The following RIMBP2 variants were observed in gnomAD, a reference collection of about 807,000 sequenced individuals.
The protein encoded by RIMBP2 is RIMS binding protein 2, also known as RIMS-binding protein 2.
In RIMBP2, 48 loss-of-function variants were observed where a neutral mutation model predicts 118.6. That is an observed-to-expected ratio of 0.40 (90% CI 0.32 to 0.51). RIMBP2 has a LOEUF of 0.51. RIMBP2 is among the 20% of genes least tolerant of loss of function. The probability of loss-of-function intolerance (pLI) is 0.41; values close to 1 mark genes in which losing one functional copy is unlikely to be tolerated. For missense variants in RIMBP2, 1,551 were observed against 1,768.3 expected (o/e 0.88, Z 2.20); for synonymous variants, 762 against 742.9 (o/e 1.03, Z -0.42).
chr12:130,399,102 G>A, intron 22 of RIMBP2: 1 of 1,365,080 alleles, frequency 7.3e-7, no homozygotes, highest in Non-Finnish European at 9.6e-7. Flanking sequence ...GGTATCTTCA[G>A]TTGCTCACTT....
intron 12 of RIMBP2, 30 bp downstream of exon 12, chr12:130,438,335 A>ACCGGGGGGGCGCCCCCCCCCCC: frequency 1.2e-6 from 1 of 865,014 alleles, no homozygotes; most frequent in Non-Finnish European, 1.9e-6. Flanking sequence ...GGCCTAACAA[A>ACCGGGGGGGCGCCCCCCCCCCC]CCCTCCCCAC....
Position 130,703,600 on chromosome 12 carries a change from G to A in RIMBP2, c.-352+12622C>T, listed in dbSNP as rs142255641. Reference sequence around the variant, plus strand: ...TCCATCAGATCCCGTAATCGGATCCGGGCGCTTTAGCCCTCACGTGACTAG... The same window carrying A: ...TCCATCAGATCCCGTAATCGGATCCAGGCGCTTTAGCCCTCACGTGACTAG... On this transcript the variant is annotated intron_variant, in intron 1 of 22. Coordinates refer to ENST00000690449, the MANE Select transcript of RIMBP2 (RefSeq NM_001393629.1). The surrounding 1 kb of genome is among the most constrained non-coding windows in gnomAD (Gnocchi z 5.7). 3.2e-4 allele frequency among the ~76,000 whole-genome samples: 49 copies of A among 152,252 alleles called. No individual in the cohort carries two copies. The highest frequency in any genetic ancestry group is 1.0e-3 in the African/African-American group (42 of 41,546).
In RIMBP2 at chr12:130,622,015, T is replaced by C. The variant is rs148983100; in HGVS notation, c.-217+6307A>G. On this transcript the variant is annotated intron_variant, in intron 2 of 22. Coordinates refer to ENST00000690449, the MANE Select transcript of RIMBP2 (RefSeq NM_001393629.1). The surrounding 1 kb of genome is among the most constrained non-coding windows in gnomAD (Gnocchi z 8.5). ...TTTAAAAAATAATAACAGAACAAAA[T>C]GAAACCAACAAAATGGAATTTAAAA... Among the ~76,000 whole-genome samples, 275 of 152,268 alleles carry C rather than the reference T, an allele frequency of 1.8e-3. No homozygotes were observed. Among genetic ancestry groups the C allele is most frequent in the African/African-American group, 6.3e-3 (261 of 41,542 alleles).
At chr12:130,544,551 C>T (rs546258230) in intron 2 of RIMBP2, among the ~76,000 whole-genome samples, 1 of 149,810 alleles carries the variant, frequency 6.7e-6, no homozygotes, top group African/African-American at 2.5e-5. Context: ...TAGCAGGCAG[C>T]AGAGTGTTAT....
chr12:130,661,560 CTAGTG>C (rs1474771793), intron 1 of RIMBP2, among the ~76,000 whole-genome samples: 3 of 152,198 alleles, frequency 2.0e-5, no homozygotes, highest in African/African-American at 7.2e-5. Context: ...TGACAACTGT[CTAGTG>C]AGGTGAGCAA....
intron 1 of RIMBP2, among the ~76,000 whole-genome samples, chr12:130,655,006 A>G (rs1415335846): frequency 6.6e-6 from 1 of 151,954 alleles, no homozygotes; most frequent in East Asian, 1.9e-4. Context: ...TGACCCAAAC[A>G]CCTCCCACCA....
intron 1 of RIMBP2, among the ~76,000 whole-genome samples, chr12:130,676,917 A>G (rs1187422381): frequency 1.3e-5 from 2 of 152,134 alleles, no homozygotes; most frequent in Admixed American, 1.3e-4. Context: ...GGTGACGGGA[A>G]AAAGCCTGTG....
chr12:130,685,693 G>A (rs537019033), intron 1 of RIMBP2, among the ~76,000 whole-genome samples: 2 of 152,086 alleles, frequency 1.3e-5, no homozygotes, highest in Non-Finnish European at 2.9e-5. Flanking sequence ...AAGAGATCCC[G>A]CGACTCTTTA....
At chr12:130,571,150 T>C (rs1375354968) in intron 2 of RIMBP2, among the ~76,000 whole-genome samples, 2 of 141,246 alleles carry the variant, frequency 1.4e-5, no homozygotes, top group Admixed American at 1.5e-4. Flanking sequence ...GAAAGAGAGA[T>C]ATAGGCTTTA....
intron 11 of RIMBP2, 22 bp from the exon 12 acceptor site, chr12:130,438,538 C>A (rs762761547): frequency 6.4e-7 from 1 of 1,560,584 alleles, no homozygotes; most frequent in East Asian, 2.3e-5. Context: ...CAGAAGGGAA[C>A]GGAGGCGTTC....
chr12:130,480,903 C>A (rs4759471), intron 4 of RIMBP2, among the ~76,000 whole-genome samples: 1 of 152,102 alleles, frequency 6.6e-6, no homozygotes, highest in Non-Finnish European at 1.5e-5. Context: ...GCCCGACCAC[C>A]TTTTACTCAT....
chr12:130,442,649 C>T lies in RIMBP2; in HGVS notation c.703G>A (p.Asp235Asn), dbSNP rs765572046. The T allele has an allele frequency of 1.1e-5, 18 of 1,613,570 alleles. No homozygotes were observed. The highest frequency in any genetic ancestry group is 4.0e-5 in the African/African-American group (3 of 74,944). The change falls in exon 11 of 23, where the codon GAT becomes AAT. Residue 235 changes from aspartate to asparagine, a missense_variant. By Grantham distance (23) the Asp-to-Asn change is conservative (BLOSUM62 1). Coordinates refer to ENST00000690449, the MANE Select transcript of RIMBP2 (RefSeq NM_001393629.1). The surrounding 1 kb of genome is among the most constrained non-coding windows in gnomAD (Gnocchi z 6.9). ...EDGFYEGELL[D>N]GQRGLVPSNF... ...GAGGGCACCAGACCCCTCTGGCCAT[C>T]GAGGAGCTCTCCTGTTGGGTACAAG...
At chr12:130,416,032 G>A (rs1200985336) in intron 17 of RIMBP2, among the ~76,000 whole-genome samples, 1 of 152,018 alleles carries the variant, frequency 6.6e-6, no homozygotes, top group Non-Finnish European at 1.5e-5. Context: ...TAACCAAGGA[G>A]GTGAAAGATC....
chr12:130,532,954 C>T (rs565196837), intron 2 of RIMBP2, among the ~76,000 whole-genome samples: 2 of 149,324 alleles, frequency 1.3e-5, no homozygotes, highest in Non-Finnish European at 3.0e-5. Context: ...TAATGAGATG[C>T]GTGTGTGTAG....
chr12:130,402,423 C>T (rs1475518311), intron 21 of RIMBP2, among the ~76,000 whole-genome samples: 4 of 152,110 alleles, frequency 2.6e-5, no homozygotes, highest in African/African-American at 9.7e-5. Context: ...TCTGCCTTCC[C>T]CTGGTACTGA....
intron 1 of RIMBP2, among the ~76,000 whole-genome samples, chr12:130,699,437 A>T (rs2065734105): frequency 6.6e-6 from 1 of 151,972 alleles, no homozygotes; most frequent in African/African-American, 2.4e-5. Context: ...AGGGACATGG[A>T]TGAAACTGGA....
Position 130,396,176 on chromosome 12 carries a change from T to TAA in RIMBP2, c.*1183_*1184dup, listed in dbSNP as rs2074061300. ...TTTATTTCTAGAAAATATTTTACACTAACTGTGCACATGCACACACCCACA... is the reference window on the plus strand; with the variant it reads ...TTTATTTCTAGAAAATATTTTACACTAAAACTGTGCACATGCACACACCCACA... On this transcript the variant is annotated 3_prime_UTR_variant, in exon 23 of 23. Transcript: ENST00000690449. 1 of 152,630 alleles carries TAA rather than the reference T, an allele frequency of 6.6e-6. No homozygotes were observed. The highest frequency in any genetic ancestry group is 2.1e-4 in the South Asian group (1 of 4,836). The allele number at this position is 152,630 out of a possible 1,614,324, so 9.5% of individuals were successfully genotyped here. A position where few individuals can be genotyped will look rare whatever the true frequency, so the allele number is the denominator to read the frequency against.
intron 2 of RIMBP2, among the ~76,000 whole-genome samples, chr12:130,592,696 G>A (rs900942892): frequency 9.7e-4 from 117 of 120,712 alleles, no homozygotes; most frequent in African/African-American, 3.2e-3. Flanking sequence ...AAAAAAAAAA[G>A]GATGCATTGC....
chr12:130,446,090 A>G lies in RIMBP2; in HGVS notation c.582-821T>C, dbSNP rs994308526. Reference sequence around the variant, plus strand: ...AGTCCTCAACATATTGGGATTAATAATTTTCAAAGCCGTGTCCAACTTGGA... The same window carrying G: ...AGTCCTCAACATATTGGGATTAATAGTTTTCAAAGCCGTGTCCAACTTGGA... On this transcript the variant is annotated intron_variant, in intron 9 of 22. Coordinates refer to ENST00000690449, the MANE Select transcript of RIMBP2 (RefSeq NM_001393629.1). This position sits in a 1 kb window ranked among gnomAD's most constrained non-coding sequence, Gnocchi z 4.1. Among the ~76,000 whole-genome samples the G allele has an allele frequency of 6.6e-6, 1 of 150,848 alleles. No homozygotes were observed. The highest frequency in any genetic ancestry group is 2.4e-5 in the African/African-American group (1 of 41,208).
Sources: gnomAD v4.1 joint callset for allele counts (sites outside exome capture counted in the v4.1 genomes callset) on GRCh38, gnomAD v4.1.1 for gene constraint, Gnocchi (gnomAD v3.1) non-coding constraint, MANE v1.5 for transcripts, NCBI Gene and HGNC (gene_info 2026-07-23, HGNC 2026-07-21) for gene names.